G3BP1: variants seen among roughly 807,000 people sequenced by gnomAD.
The protein encoded by G3BP1 is G3BP stress granule assembly factor 1, also known as ras GTPase-activating protein-binding protein 1.
G3BP1 carries 35 observed loss-of-function variants against 58.6 expected under a neutral mutation model. That is an observed-to-expected ratio of 0.60 (90% CI 0.46 to 0.79). The LOEUF (loss-of-function observed/expected upper bound fraction) is 0.79, where lower values mean the gene tolerates loss of function less well. G3BP1 is among the 30% of genes least tolerant of loss of function. The pLI, the probability that G3BP1 is intolerant of heterozygous loss-of-function variation, is 0.00. For synonymous variants in G3BP1, 191 were observed against 195.4 expected, an observed-to-expected ratio of 0.98 and a Z score of 0.19; for missense variants, 523 against 580.8, an observed-to-expected ratio of 0.90 and a Z score of 1.02.
chr5:151,794,976 G>T (rs1329466846), intron 5 of G3BP1, among the ~76,000 whole-genome samples: 1 of 152,142 alleles, frequency 6.6e-6, no homozygotes, highest in Non-Finnish European at 1.5e-5. Flanking sequence ...CACTACAGTA[G>T]CCTTAAAGTC....
At chr5:151,802,785 T>C (rs1762875590) in intron 11 of G3BP1, among the ~76,000 whole-genome samples, 3 of 152,086 alleles carry the variant, frequency 2.0e-5, no homozygotes, top group Non-Finnish European at 1.5e-5. Context: ...TACAAAAAAT[T>C]AGCTGGGTGT....
At chr5:151,776,710 A>G (rs536173351) in intron 1 of G3BP1, among the ~76,000 whole-genome samples, 1 of 151,786 alleles carries the variant, frequency 6.6e-6, no homozygotes, top group African/African-American at 2.4e-5. Flanking sequence ...GTAATCCACA[A>G]TTATCCTTGC....
At chr5:151,781,600 A>G (rs1762472904) in intron 1 of G3BP1, among the ~76,000 whole-genome samples, 1 of 152,260 alleles carries the variant, frequency 6.6e-6, no homozygotes, top group South Asian at 2.1e-4. Flanking sequence ...CAGAAAAGTT[A>G]TGACATTACA....
At chr5:151,783,777 T>C (rs940453199) in intron 1 of G3BP1, among the ~76,000 whole-genome samples, 16 of 152,154 alleles carry the variant, frequency 1.1e-4, no homozygotes, top group Non-Finnish European at 2.1e-4. Context: ...TTCTTTTTTT[T>C]CTGGAGATGG....
At chr5:151,798,806 A>G (rs1762797990) in intron 7 of G3BP1, among the ~76,000 whole-genome samples, 1 of 152,174 alleles carries the variant, frequency 6.6e-6, no homozygotes, top group African/African-American at 2.4e-5. Context: ...CTCTACTAAA[A>G]AGAAAAAATA....
rs1019025455 is a variant in G3BP1, at chr5:151,783,454, G to A, written c.-49-3118G>A. ...GCAGAGTCTTGCTCTGTCACCCAAGGTGGAGTGCAGTGGTGTAATCTTGGC... is the reference window on the plus strand; with the variant it reads ...GCAGAGTCTTGCTCTGTCACCCAAGATGGAGTGCAGTGGTGTAATCTTGGC... On this transcript the variant is annotated intron_variant, in intron 1 of 11. Coordinates refer to ENST00000356245, the MANE Select transcript of G3BP1 (RefSeq NM_005754.3). 7.9e-5 allele frequency among the ~76,000 whole-genome samples: 12 copies of A among 151,450 alleles called. No individual in the cohort carries two copies. In the East Asian group the frequency reaches 2.3e-3, roughly 29 times the overall value.
intron 2 of G3BP1, chr5:151,787,915 ATG>A (rs36126085): frequency 3.5e-4 from 59 of 167,572 alleles, no homozygotes; most frequent in South Asian, 2.1e-3. Context: ...GTGTGTGTGC[ATG>A]TGTGTGTGTG....
intron 1 of G3BP1, among the ~76,000 whole-genome samples, chr5:151,775,831 A>C (rs746589106): frequency 9.2e-5 from 14 of 152,252 alleles, no homozygotes; most frequent in Admixed American, 2.0e-4. Flanking sequence ...ATAGTTGTTA[A>C]GTATTCTGAT....
intron 1 of G3BP1, among the ~76,000 whole-genome samples, chr5:151,780,322 T>C (rs562251560): frequency 6.6e-6 from 1 of 152,332 alleles, no homozygotes; most frequent in Non-Finnish European, 1.5e-5. Flanking sequence ...TACATTCTAC[T>C]AATCTTTTAT....
chr5:151,798,272 C>A (rs115280136), intron 7 of G3BP1, among the ~76,000 whole-genome samples: 1 of 152,104 alleles, frequency 6.6e-6, no homozygotes, highest in Non-Finnish European at 1.5e-5. Flanking sequence ...ATGGCTTAGC[C>A]TGGGAAGTCA....
In G3BP1 at chr5:151,807,245, A is replaced by G. The variant is rs990707214; in HGVS notation, c.*3154A>G. ...GTTAGGTGATATTGTCCTCAGCACA[A>G]TAGATGAGGAAGAAACTGAATCAGA... On this transcript the variant is annotated 3_prime_UTR_variant, in exon 12 of 12. Coordinates refer to ENST00000356245, the MANE Select transcript of G3BP1 (RefSeq NM_005754.3). 1.3e-5 allele frequency: 2 copies of G among 152,226 alleles called. No individual in the cohort carries two copies. Among genetic ancestry groups the G allele is most frequent in the Admixed American group, 6.5e-5 (1 of 15,282 alleles). 9.4% of individuals were successfully genotyped at this position (152,226 alleles called of 1,614,324 possible).
Position 151,811,254 on chromosome 5 carries a change from T to G in G3BP1, c.*7163T>G, listed in dbSNP as rs912174501. On this transcript the variant is annotated 3_prime_UTR_variant, in exon 12 of 12. Transcript: ENST00000356245. ...CCATGTATTCCATGTATGTGTTCTC[T>G]CTCCCCTATTAGACTGTAAGCTCCT... 5 of 152,226 alleles carry G rather than the reference T, an allele frequency of 3.3e-5. No individual in the cohort carries two copies. Among genetic ancestry groups the G allele is most frequent in the Non-Finnish European group, 5.9e-5 (4 of 68,054 alleles). 9.4% of individuals were successfully genotyped at this position (152,226 alleles called of 1,614,324 possible). A position where few individuals can be genotyped will look rare whatever the true frequency, so the allele number is the denominator to read the frequency against.
Position 151,804,039 on chromosome 5 carries a change from T to C in G3BP1, c.1349T>C (p.Met450Thr). The change falls in exon 12 of 12, where the codon ATG (methionine) becomes ACG (threonine). Residue 450 changes from methionine (M) to threonine (T), a missense_variant. Physicochemically the swap from Met to Thr is moderately conservative, Grantham distance 81. Coordinates refer to ENST00000356245, the MANE Select transcript of G3BP1 (RefSeq NM_005754.3). ...GGMRGPPRGG[M>T]VQKPGFGVGR... is the part of the protein sequence containing the mutation. ...ATGAGAGGCCCTCCCCGTGGAGGCA[T>C]GGTGCAGAAACCAGGATTTGGAGTG... 6.2e-7 allele frequency: 1 copy of C among 1,613,142 alleles called. No homozygotes were observed.
intron 11 of G3BP1, 142 bp downstream of exon 11, chr5:151,801,011 C>T (rs1762841135): frequency 3.6e-6 from 2 of 551,542 alleles, no homozygotes; most frequent in Admixed American, 3.3e-5. Context: ...TATTTTCAAC[C>T]ATTATTAAAA....
At chr5:151,785,866 C>A (rs1762547748) in intron 1 of G3BP1, among the ~76,000 whole-genome samples, 1 of 152,034 alleles carries the variant, frequency 6.6e-6, no homozygotes, top group Non-Finnish European at 1.5e-5. Context: ...TTTAGATGGG[C>A]CAGAAAATGT....
At position 151,809,775 on chromosome 5, in the gene G3BP1, G is replaced by A. The variant is rs1762990525; in HGVS notation, c.*5684G>A. 6.6e-6 allele frequency: 1 copy of A among 152,188 alleles called. No individual in the cohort carries two copies. The highest frequency in any genetic ancestry group is 1.5e-5 in the Non-Finnish European group (1 of 68,030). The allele number at this position is 152,188 out of a possible 1,614,324, so 9.4% of individuals were successfully genotyped here. A position where few individuals can be genotyped will look rare whatever the true frequency, so the allele number is the denominator to read the frequency against. On this transcript the variant is annotated 3_prime_UTR_variant, in exon 12 of 12. Transcript: ENST00000356245. Reference sequence around the variant, plus strand: ...CTGTTAAAGTTTGTCAGGAGAAAAAGGGAAGGTATCACTTTTTGTATGTTC... The same window carrying A: ...CTGTTAAAGTTTGTCAGGAGAAAAAAGGAAGGTATCACTTTTTGTATGTTC...
chr5:151,780,510 T>C (rs1762448264), intron 1 of G3BP1, among the ~76,000 whole-genome samples: 1 of 152,184 alleles, frequency 6.6e-6, no homozygotes, highest in African/African-American at 2.4e-5. Flanking sequence ...CTCATAGTTA[T>C]TTCCCCCTCC....
chr5:151,797,037 C>G (rs1207750851), intron 6 of G3BP1, among the ~76,000 whole-genome samples, 190 bp from the exon 7 acceptor site: 2 of 152,004 alleles, frequency 1.3e-5, no homozygotes, highest in East Asian at 3.9e-4. Context: ...CAAATGGATT[C>G]CAGTTAAGTT....
At chr5:151,777,002 C>T (rs1221112360) in intron 1 of G3BP1, among the ~76,000 whole-genome samples, 2 of 151,110 alleles carry the variant, frequency 1.3e-5, no homozygotes, top group African/African-American at 2.4e-5. Flanking sequence ...ATTTCAGGCT[C>T]ATCTTGCATT....
Sources: gnomAD v4.1 joint callset for allele counts (sites outside exome capture counted in the v4.1 genomes callset) on GRCh38, gnomAD v4.1.1 for gene constraint, MANE v1.5 for transcripts, NCBI Gene and HGNC (gene_info 2026-07-23, HGNC 2026-07-21) for gene names.